ASXL1: variants seen among roughly 807,000 people sequenced by gnomAD.
ASXL1 encodes the protein ASXL transcriptional regulator 1.
Under a neutral mutation model 89.1 loss-of-function variants are expected in ASXL1, and 65 were observed. The observed-to-expected ratio is 0.73, with a 90% CI of 0.60 to 0.90. The LOEUF (loss-of-function observed/expected upper bound fraction) is 0.90. ASXL1 is among the 40% of genes least tolerant of loss of function. The pLI is 0.00. For synonymous variants in ASXL1, 739 were observed against 746.9 expected, an observed-to-expected ratio of 0.99 and a Z score of 0.17; for missense variants, 1,786 against 1,942.9, an observed-to-expected ratio of 0.92 and a Z score of 1.52.
At chr20:32,430,891 T>G (rs1298873293) in intron 8 of ASXL1, 2 of 430,470 alleles carry the variant, frequency 4.6e-6, no homozygotes, top group African/African-American at 4.0e-5. Context: ...TGCATGGAGA[T>G]CATCCCTCTC....
intron 4 of ASXL1, among the ~76,000 whole-genome samples, chr20:32,383,289 T>C (rs1364271490): frequency 6.6e-6 from 1 of 152,040 alleles, no homozygotes; most frequent in Non-Finnish European, 1.5e-5. Context: ...TATATTGGCA[T>C]TTATAGTTGT....
In ASXL1 at chr20:32,411,215, C is replaced by CTT. The variant is rs71187118; in HGVS notation, c.253-16888_253-16887dup. On this transcript the variant is annotated intron_variant, in intron 4 of 12. Transcript: ENST00000375687. ...TTTATTCGTTGTGAATTTATGGATT[C>CTT]TTTTTTTTTTTTTTTTTTTTTTTTT... is the stretch of plus-strand genomic sequence containing the variant. Among the ~76,000 whole-genome samples, 180 of 53,440 alleles carry CTT rather than the reference C, an allele frequency of 3.4e-3. 44 individuals are homozygous for CTT. In the Middle Eastern group the frequency reaches 0.069, roughly 20 times the overall value. The allele number at this position is 53,440 out of a possible 152,430, so 35.1% of individuals were successfully genotyped here. A position where few individuals can be genotyped will look rare whatever the true frequency, so the allele number is the denominator to read the frequency against.
rs762429599 is a variant in ASXL1, at chr20:32,436,033, T to C, written c.3321T>C (p.Leu1107=). The part of the protein sequence containing the change: ...PGSSVEATNP[L]VMQLLQGSLP... ...CCTCAGTGGAGGCCACTAACCCACT[T>C]GTGATGCAGTTGCTGCAGGGTAGCT... Residue 1107 remains leucine (L), a synonymous_variant, in exon 13 of 13, where the codon CTT becomes CTC. Transcript: ENST00000375687. 3 of 1,614,188 alleles carry C rather than the reference T, an allele frequency of 1.9e-6. No individual in the cohort carries two copies. The highest frequency in any genetic ancestry group is 8.5e-7 in the Non-Finnish European group (1 of 1,180,038).
intron 10 of ASXL1, chr20:32,432,541 A>G: frequency 3.0e-6 from 1 of 332,174 alleles, no homozygotes; most frequent in South Asian, 2.7e-5. Flanking sequence ...CCTGAAATCT[A>G]AGTTCCCAGA....
chr20:32,374,333 T>G (rs973763196), intron 4 of ASXL1, among the ~76,000 whole-genome samples: 4 of 152,072 alleles, frequency 2.6e-5, no homozygotes, highest in Non-Finnish European at 5.9e-5. Flanking sequence ...CTCTGTGGCT[T>G]AAAGCTAGAT....
chr20:32,368,475 C>A (rs1262076164), intron 3 of ASXL1, among the ~76,000 whole-genome samples: 1 of 152,090 alleles, frequency 6.6e-6, no homozygotes, highest in African/African-American at 2.4e-5. Context: ...CTCCCCACTT[C>A]CAGCAGAGAA....
At chr20:32,362,602 C>T (rs1205950785) in intron 1 of ASXL1, among the ~76,000 whole-genome samples, 6 of 152,208 alleles carry the variant, frequency 3.9e-5, no homozygotes, top group African/African-American at 1.2e-4. Context: ...AGCTACTGCA[C>T]TCCATCCAGC....
rs375341392 is a variant in ASXL1 at position 32,398,603 on chromosome 20, G to GTT, written c.252+29490_252+29491dup. 5.2e-3 allele frequency among the ~76,000 whole-genome samples: 655 copies of GTT among 125,480 alleles called. 4 individuals carry two copies. The highest frequency in any genetic ancestry group is 7.0e-3 in the Non-Finnish European group (437 of 62,434). 82.3% of individuals were successfully genotyped at this position (125,480 alleles called of 152,430 possible). A position where few individuals can be genotyped will look rare whatever the true frequency, so the allele number is the denominator to read the frequency against. On this transcript the variant is annotated intron_variant, in intron 4 of 12. Transcript: ENST00000375687. ...GTGGCTGGTTTTGTTTTTTTTGTTT[G>GTT]TTTTTTTTTTTGTTTTTTTTTTTTG...
Position 32,429,062 on chromosome 20 carries a change from A to G in ASXL1, c.472-276A>G. 2.2e-6 allele frequency: 1 copy of G among 450,408 alleles called. No individual in the cohort carries two copies. Among genetic ancestry groups the G allele is most frequent in the South Asian group, 2.1e-5 (1 of 48,502 alleles). The allele number at this position is 450,408 out of a possible 1,614,324, so 27.9% of individuals were successfully genotyped here. On this transcript the variant is annotated intron_variant, in intron 6 of 12. Coordinates refer to ENST00000375687, the MANE Select transcript of ASXL1 (RefSeq NM_015338.6). The surrounding 1 kb of genome is among the most constrained non-coding windows in gnomAD (Gnocchi z 4.9). ...AGATTGGGAGTGAGCAGTTTGAATG[A>G]TAACCCTGCACTTACTAGCCTTGAG... is the stretch of plus-strand genomic sequence containing the variant.
chr20:32,387,864 CAT>C (rs2048605980), intron 4 of ASXL1, among the ~76,000 whole-genome samples: 2 of 152,210 alleles, frequency 1.3e-5, no homozygotes. Flanking sequence ...TCAAAATTAA[CAT>C]GTGCAAAACC....
At position 32,432,970 on chromosome 20, in the gene ASXL1, A is replaced by T; in HGVS notation, c.1070A>T (p.Asp357Val). The change falls in exon 11 of 13, where the codon GAC becomes GTC. Residue 357 changes from aspartate (D) to valine (V), a missense_variant. By Grantham distance (152) the Asp-to-Val change is radical. This residue lies in a region of ASXL1 where 1,418 missense variants were observed against 1,427.8 expected (regional missense o/e 0.99). Transcript: ENST00000375687. Reference protein sequence around the residue: ...VEQWKEKFFEDYYGQKLGLTK... With the variant: ...VEQWKEKFFEVYYGQKLGLTK... The stretch of plus-strand genomic sequence containing the variant: ...CAATGGAAAGAAAAGTTCTTTGAAG[A>T]CTACTATGGACAGAAGTAAGGCAGT... 1 of 1,613,910 alleles carries T rather than the reference A, an allele frequency of 6.2e-7. No individual in the cohort carries two copies. The highest frequency in any genetic ancestry group is 2.2e-5 in the East Asian group (1 of 44,882).
At chr20:32,431,119 AC>A (rs1311467402) in intron 8 of ASXL1, 1 of 724,610 alleles carries the variant, frequency 1.4e-6, no homozygotes, top group Admixed American at 2.0e-5. Context: ...AGGAGATGCA[AC>A]CCCAAGTGTT....
rs780939938 is a variant in ASXL1, at chr20:32,433,824, T to TGAAGATC, written c.1628_1634dup (p.Gln546ArgfsTer7). ...CCTTTCCCGAAAAGAAGCCCCGGCTTGAAGATCGTCAGTCCTTTCGTAACA... is the reference window on the plus strand; with the variant it reads ...CCTTTCCCGAAAAGAAGCCCCGGCTTGAAGATCGAAGATCGTCAGTCCTTTCGTAACA... On this transcript the variant is annotated frameshift_variant, in exon 12 of 13. Transcript: ENST00000375687. LOFTEE classifies it high-confidence loss of function. 3 of 1,614,108 alleles carry TGAAGATC rather than the reference T, an allele frequency of 1.9e-6. No individual in the cohort carries two copies. The highest frequency in any genetic ancestry group is 8.5e-7 in the Non-Finnish European group (1 of 1,180,032).
intron 1 of ASXL1, among the ~76,000 whole-genome samples, chr20:32,364,631 G>A (rs907510071): frequency 2.0e-5 from 3 of 152,194 alleles, no homozygotes; most frequent in African/African-American, 4.8e-5. Flanking sequence ...GAGCTCCTGA[G>A]CGCAGCAAGT....
rs1264199467 is a variant in ASXL1 at position 32,372,142 on chromosome 20, TTTC to T, written c.252+3023_252+3025del. The T allele has an allele frequency of 3.7e-6, 5 of 1,347,250 alleles. No homozygotes were observed. In the African/African-American group the frequency reaches 7.4e-5, roughly 20 times the overall value. The allele number at this position is 1,347,250 out of a possible 1,614,324, so 83.5% of individuals were successfully genotyped here. A position where few individuals can be genotyped will look rare whatever the true frequency, so the allele number is the denominator to read the frequency against. Reference sequence around the variant, plus strand: ...TGCTTTATGTGTGAACTGAATTATATTTCTTCATCTTAATTTTACAGGTGTGAG... The same window carrying T: ...TGCTTTATGTGTGAACTGAATTATATTTCATCTTAATTTTACAGGTGTGAG... On this transcript the variant is annotated intron_variant, in intron 4 of 12. Transcript: ENST00000375687.
At chr20:32,362,011 GT>G (rs1305493756) in intron 1 of ASXL1, among the ~76,000 whole-genome samples, 1 of 152,174 alleles carries the variant, frequency 6.6e-6, no homozygotes, top group Non-Finnish European at 1.5e-5. Context: ...GGAGGTTGCA[GT>G]GAACCCAGAT....
Position 32,433,589 on chromosome 20 carries a change from C to G in ASXL1, c.1391C>G (p.Pro464Arg), listed in dbSNP as rs1405789384. ...AKTDPAGLSS[P>R]HLPGTSSAAP... is the part of the protein sequence containing the mutation. ...ACTGACCCAGCAGGGCTGAGCAGTC[C>G]CCATCTGCCAGGCACATCCTCTGCA... Residue 464 changes from proline (P) to arginine (R), a missense_variant, in exon 12 of 13, where the codon CCC (proline) becomes CGC (arginine). Pro to Arg is a moderately radical substitution (Grantham distance 103). Transcript: ENST00000375687. 1 of 1,614,090 alleles carries G rather than the reference C, an allele frequency of 6.2e-7. No homozygotes were observed. The highest frequency in any genetic ancestry group is 8.5e-7 in the Non-Finnish European group (1 of 1,180,008).
intron 4 of ASXL1, among the ~76,000 whole-genome samples, chr20:32,426,545 T>TTTTTTTG (rs2011299755): frequency 2.0e-5 from 2 of 98,924 alleles, no homozygotes; most frequent in Admixed American, 1.1e-4. Context: ...TGTTTTCTTT[T>TTTTTTTG]TTTTCTTTCT....
Position 32,435,126 on chromosome 20 carries a change from C to A in ASXL1, c.2414C>A (p.Pro805His). Residue 805 changes from proline to histidine, a missense_variant, in exon 13 of 13, where the codon CCC (proline) becomes CAC (histidine). Coordinates refer to ENST00000375687, the MANE Select transcript of ASXL1 (RefSeq NM_015338.6). ...SWESDDEEQG[P>H]TVPADNGPIP... ...GAAAGTGATGATGAGGAGCAAGGAC[C>A]CACCGTTCCTGCAGACAATGGTCCC... The A allele has an allele frequency of 3.1e-6, 5 of 1,613,872 alleles. No homozygotes were observed. The highest frequency in any genetic ancestry group is 4.2e-6 in the Non-Finnish European group (5 of 1,180,020).
Sources: allele counts gnomAD v4.1 joint callset (sites outside exome capture counted in the v4.1 genomes callset), GRCh38; gene constraint gnomAD v4.1.1; regional missense constraint gnomAD v4.1.1; non-coding constraint Gnocchi (gnomAD v3.1); transcripts MANE v1.5; gene names NCBI Gene and HGNC (gene_info 2026-07-23, HGNC 2026-07-21).